Variants in PPL observed in about 807,000 individuals in gnomAD.
PPL encodes the protein periplakin.
PPL carries 198 observed loss-of-function variants against 194.4 expected under a neutral mutation model. The ratio of observed to expected loss-of-function variants is 1.02; its 90% CI spans 0.91 to 1.15. The LOEUF is 1.15. Ranked by LOEUF, PPL falls within the 50% of genes most tolerant of loss-of-function variation. The pLI is 0.00. For missense variants in PPL, 2,885 were observed against 2,294.8 expected (o/e 1.26, Z -5.25); for synonymous variants, 1,220 against 972.4 (o/e 1.25, Z -4.74).
intron 12 of PPL, 119 bp from the exon 13 acceptor site, chr16:4,893,757 T>C: frequency 1.3e-6 from 1 of 768,724 alleles, no homozygotes; most frequent in Admixed American, 2.6e-5. Context: ...GCTCCTTAGA[T>C]GCGGACAGCA....
chr16:4,887,950 C>T, intron 20 of PPL, 152 bp downstream of exon 20: 1 of 635,468 alleles, frequency 1.6e-6, no homozygotes. Flanking sequence ...TTCCTCATCT[C>T]TTACCAAACC....
At chr16:4,936,448 C>T (rs1191609806) in intron 1 of PPL, among the ~76,000 whole-genome samples, 3 of 152,158 alleles carry the variant, frequency 2.0e-5, no homozygotes, top group African/African-American at 7.2e-5. Flanking sequence ...ACCCATCCCT[C>T]GCCTCCCCGA....
chr16:4,919,289 G>A (rs1475062160), intron 1 of PPL, among the ~76,000 whole-genome samples: 1 of 152,240 alleles, frequency 6.6e-6, no homozygotes, highest in Admixed American at 6.5e-5. Context: ...GATCACTTGG[G>A]AGGGCAGCCT....
In PPL at chr16:4,894,500, G is replaced by T. The variant is rs764028773; in HGVS notation, c.1361C>A (p.Pro454His). Residue 454 changes from proline (P) to histidine (H), a missense_variant, in exon 12 of 22, where the codon CCC becomes CAC. Transcript: ENST00000345988. ...CAGAGCCAGGGCCTCAGGGTCTGTG[G>T]GGGGGATCACAAAACACACGGCCGG... ...IAPAVCFVIPPTDPEALALAD... is the reference protein window; with the variant it reads ...IAPAVCFVIPHTDPEALALAD... The T allele has an allele frequency of 4.3e-6, 7 of 1,613,892 alleles. No homozygotes were observed. Among genetic ancestry groups the T allele is most frequent in the East Asian group, 4.5e-5 (2 of 44,876 alleles).
Position 4,895,317 on chromosome 16 carries a change from C to A in PPL, c.1186G>T (p.Glu396Ter). ...ACGGGGATGGGCTTGAGCGGAGTCT[C>A]CCGGCGGTACTTGAGGGGCACCACC... ...QQVVPLKYRR[E>*]TPLKPIPVEA... is the part of the protein sequence containing the mutation. The change falls in exon 11 of 22, where the codon GAG (glutamate) becomes TAG (stop). Residue 396 changes from glutamate (E) to a stop codon, truncating the protein, a stop_gained. Transcript: ENST00000345988. LOFTEE classifies it high-confidence loss of function. The A allele has an allele frequency of 6.2e-7, 1 of 1,613,298 alleles. No homozygotes were observed.
At chr16:4,916,480 G>C (rs8044481) in intron 1 of PPL, among the ~76,000 whole-genome samples, 2,929 of 150,000 alleles carry the variant, frequency 0.02, 95 homozygotes, top group African/African-American at 0.067. Flanking sequence ...CCAAAGTGCT[G>C]GGATTACAGG....
At chr16:4,890,118 G>T in intron 18 of PPL, 66 bp downstream of exon 18, 7 of 1,610,458 alleles carry the variant, frequency 4.3e-6, no homozygotes, top group Non-Finnish European at 5.9e-6. Flanking sequence ...CCCCAGAAAG[G>T]GGCTTGTTGA....
At chr16:4,925,182 A>AGAGG (rs1568057912) in intron 1 of PPL, among the ~76,000 whole-genome samples, 1 of 152,082 alleles carries the variant, frequency 6.6e-6, no homozygotes, top group African/African-American at 2.4e-5. Flanking sequence ...GAGCCCAGAG[A>AGAGG]AGGGGCTGGG....
intron 20 of PPL, among the ~76,000 whole-genome samples, 178 bp from the exon 21 acceptor site, chr16:4,887,405 G>T (rs1356679915): frequency 6.6e-6 from 1 of 152,162 alleles, no homozygotes; most frequent in Non-Finnish European, 1.5e-5. Context: ...GAGAAAAATG[G>T]ATCTCGAGGC....
At chr16:4,916,566 T>A (rs1460070386) in intron 1 of PPL, among the ~76,000 whole-genome samples, 2 of 151,994 alleles carry the variant, frequency 1.3e-5, no homozygotes, top group Non-Finnish European at 2.9e-5. Context: ...ACTGCAGTGG[T>A]GCAATCTTAG....
At chr16:4,886,623 C>G (rs945537840) in intron 21 of PPL, among the ~76,000 whole-genome samples, 11 of 152,174 alleles carry the variant, frequency 7.2e-5, no homozygotes, top group Non-Finnish European at 1.3e-4. Flanking sequence ...TCTTTTGTTT[C>G]TTTCTTTTTT....
At position 4,895,605 on chromosome 16, in the gene PPL, G is replaced by A. The variant is rs141706980; in HGVS notation, c.1084C>T (p.Arg362Trp). The change falls in exon 10 of 22, where the codon CGG (arginine) becomes TGG (tryptophan). Residue 362 changes from arginine to tryptophan, a missense_variant. Arg to Trp is a moderately radical substitution (Grantham distance 101). Transcript: ENST00000345988. Reference sequence around the variant, plus strand: ...GGGCCATCGCTCACATCCAGCTCCCGCAGCAGCAGCTCAATCTGGTACCGG... The same window carrying A: ...GGGCCATCGCTCACATCCAGCTCCCACAGCAGCAGCTCAATCTGGTACCGG... ...KDRYQIELLLRELDDQEKVLD... is the reference protein window; with the variant it reads ...KDRYQIELLLWELDDQEKVLD... The A allele has an allele frequency of 5.6e-6, 9 of 1,613,778 alleles. No individual in the cohort carries two copies. The African/African-American group carries it at 1.1e-4, about 19-fold the overall frequency.
At position 4,900,973 on chromosome 16, in the gene PPL, G is replaced by T; in HGVS notation, c.555C>A (p.Asp185Glu). The T allele has an allele frequency of 6.2e-7, 1 of 1,614,094 alleles. No homozygotes were observed. Among genetic ancestry groups the T allele is most frequent in the Non-Finnish European group, 8.5e-7 (1 of 1,180,014 alleles). Residue 185 changes from aspartate to glutamate, a missense_variant, in exon 5 of 22, where the codon GAC becomes GAA. By Grantham distance (45) the Asp-to-Glu change is conservative (BLOSUM62 2). Transcript: ENST00000345988. Reference sequence around the variant, plus strand: ...CCAGCACACGCCCCACCTTGTCCCCGTCCTTGGCCAGGTGGGGCCCGATGG... The same window carrying T: ...CCAGCACACGCCCCACCTTGTCCCCTTCCTTGGCCAGGTGGGGCCCGATGG... Reference protein sequence around the residue: ...VKAIGPHLAKDGDKEQNSELR... With the variant: ...VKAIGPHLAKEGDKEQNSELR...
chr16:4,891,572 C>T (rs1411394243), intron 16 of PPL: 2 of 471,450 alleles, frequency 4.2e-6, no homozygotes, highest in Non-Finnish European at 7.4e-6. Context: ...TGCCACTACA[C>T]TGGCTATTGC....
chr16:4,894,523 C>A lies in PPL; in HGVS notation c.1338G>T (p.Pro446=). 1.2e-6 allele frequency: 2 copies of A among 1,613,836 alleles called. No individual in the cohort carries two copies. The highest frequency in any genetic ancestry group is 2.2e-5 in the South Asian group (2 of 91,086). The change falls in exon 12 of 22, where the codon CCG becomes CCT. Residue 446 remains proline, a synonymous_variant. Coordinates refer to ENST00000345988, the MANE Select transcript of PPL (RefSeq NM_002705.5). ...MDSAGNKLIA[P]AVCFVIPPTD... Reference sequence around the variant, plus strand: ...TGGGGGGGATCACAAAACACACGGCCGGAGCAATCAGCTTGTTCCCAGCGC... The same window carrying A: ...TGGGGGGGATCACAAAACACACGGCAGGAGCAATCAGCTTGTTCCCAGCGC...
At position 4,936,842 on chromosome 16, in the gene PPL, C is replaced by G. The variant is rs576816022; in HGVS notation, c.62+142G>C. ...CAGGGTGGCCTCGGTCCCGCGTTCC[C>G]GAGAGTCCCGCACTCCGGGTTCAGT... is the stretch of plus-strand genomic sequence containing the variant. On this transcript the variant is annotated intron_variant, in intron 1 of 21. Coordinates refer to ENST00000345988, the MANE Select transcript of PPL (RefSeq NM_002705.5). 22 of 796,414 alleles carry G rather than the reference C, an allele frequency of 2.8e-5. No individual in the cohort carries two copies. In the African/African-American group the frequency reaches 3.9e-4, roughly 14 times the overall value. The allele number at this position is 796,414 out of a possible 1,614,324, so 49.3% of individuals were successfully genotyped here.
At chr16:4,917,047 G>A (rs1016660729) in intron 1 of PPL, among the ~76,000 whole-genome samples, 7 of 152,042 alleles carry the variant, frequency 4.6e-5, no homozygotes, top group African/African-American at 1.2e-4. Context: ...CAAGAGAATC[G>A]CTTGAACCTG....
At chr16:4,934,556 A>T (rs1365522226) in intron 1 of PPL, among the ~76,000 whole-genome samples, 7 of 152,090 alleles carry the variant, frequency 4.6e-5, no homozygotes, top group African/African-American at 1.7e-4. Context: ...AGATGCCAGG[A>T]TCAACAGTGA....
chr16:4,890,071 A>G, intron 18 of PPL, 113 bp downstream of exon 18: 1 of 1,478,740 alleles, frequency 6.8e-7, no homozygotes, highest in Admixed American at 1.8e-5. Flanking sequence ...CAGCTGTGGC[A>G]GGCCTCTGCC....
Sources: gnomAD v4.1 joint callset for allele counts (sites outside exome capture counted in the v4.1 genomes callset) on GRCh38, gnomAD v4.1.1 for gene constraint, MANE v1.5 for transcripts, NCBI Gene and HGNC (gene_info 2026-07-23, HGNC 2026-07-21) for gene names.